Variants in CAAP1 observed in about 807,000 individuals in gnomAD.
The protein encoded by CAAP1 is conserved anti-apoptotic protein.
A neutral mutation model predicts 34.0 loss-of-function variants in CAAP1; 20 were observed. The ratio of observed to expected loss-of-function variants is 0.59; its 90% CI spans 0.41 to 0.86. CAAP1 has a LOEUF of 0.86. Among genes scored for constraint, CAAP1 ranks in the 40% least tolerant of loss-of-function variants. The pLI is 0.00. For missense variants in CAAP1, 538 were observed against 450.5 expected (o/e 1.19, Z -1.76); for synonymous variants, 213 against 166.7 (o/e 1.28, Z -2.14).
Position 26,887,421 on chromosome 9 carries a change from T to A in CAAP1, c.396A>T (p.Ser132=). ...LEEGGLDLTV[S]LKPVSFYISD... ...ATATATAGAAACTAACTGGTTTCAA[T>A]GACACAGTCAGGTCCAGTCCACCTT... Residue 132 remains serine (S), a synonymous_variant, in exon 2 of 6, where the codon TCA becomes TCT. Transcript: ENST00000333916. 1 of 1,613,706 alleles carries A rather than the reference T, an allele frequency of 6.2e-7. No individual in the cohort carries two copies. The highest frequency in any genetic ancestry group is 1.1e-5 in the South Asian group (1 of 90,944).
chr9:26,872,972 C>A (rs1823317644), intron 4 of CAAP1, among the ~76,000 whole-genome samples: 1 of 152,144 alleles, frequency 6.6e-6, no homozygotes, highest in Non-Finnish European at 1.5e-5. Flanking sequence ...CATATAGAAG[C>A]TACTTTGATT....
Position 26,860,230 on chromosome 9 carries a change from A to G in CAAP1, c.739+836T>C, listed in dbSNP as rs58066608. On this transcript the variant is annotated intron_variant, in intron 5 of 5. Transcript: ENST00000333916. ...TTTCAATTCTTCCTACTAAAGATAA[A>G]AAGAAGTAAAAAAGGCATTTAAAAG... Among the ~76,000 whole-genome samples the G allele has an allele frequency of 9.7e-3, 1,474 of 152,340 alleles. 18 individuals carry two copies. Among genetic ancestry groups the G allele is most frequent in the African/African-American group, 0.033 (1,386 of 41,572 alleles).
chr9:26,846,681 A>T (rs1421520030), intron 5 of CAAP1, among the ~76,000 whole-genome samples: 2 of 151,812 alleles, frequency 1.3e-5, no homozygotes, highest in African/African-American at 4.8e-5. Flanking sequence ...AAATGGGAAA[A>T]TTAATTTTTC....
chr9:26,864,585 T>C (rs1035935664), intron 4 of CAAP1, among the ~76,000 whole-genome samples: 2 of 152,198 alleles, frequency 1.3e-5, no homozygotes, highest in Non-Finnish European at 2.9e-5. Flanking sequence ...TAAGGCTTCA[T>C]TGTATATAAA....
Position 26,892,122 on chromosome 9 carries a change from C to A in CAAP1, c.303+291G>T, listed in dbSNP as rs181081159. On this transcript the variant is annotated intron_variant, in intron 1 of 5. Transcript: ENST00000333916. Reference sequence around the variant, plus strand: ...GGGAAATGAAGGCTAGCTTCCAACTCGTATTCTTCCGGCAGAGTGAAACCA... The same window carrying A: ...GGGAAATGAAGGCTAGCTTCCAACTAGTATTCTTCCGGCAGAGTGAAACCA... The A allele has an allele frequency of 3.7e-4, 242 of 651,540 alleles. 2 individuals carry two copies. The East Asian group carries it at 8.6e-3, about 23-fold the overall frequency. The allele number at this position is 651,540 out of a possible 1,614,324, so 40.4% of individuals were successfully genotyped here.
intron 5 of CAAP1, among the ~76,000 whole-genome samples, chr9:26,854,073 T>C (rs558413673): frequency 2.0e-5 from 3 of 152,288 alleles, no homozygotes; most frequent in South Asian, 2.1e-4. Context: ...TATGATTCAA[T>C]ATATAGAGAC....
At chr9:26,884,757 C>G in intron 4 of CAAP1, 53 bp downstream of exon 4, 1 of 1,204,610 alleles carries the variant, frequency 8.3e-7, no homozygotes, top group Non-Finnish European at 1.2e-6. Context: ...TAAGAAATCA[C>G]CAAAGGAATA....
At chr9:26,884,307 AT>A (rs987002965) in intron 4 of CAAP1, among the ~76,000 whole-genome samples, 1 of 151,998 alleles carries the variant, frequency 6.6e-6, no homozygotes, top group African/African-American at 2.4e-5. Flanking sequence ...AACTTCAGGT[AT>A]TTTTTTTATC....
intron 5 of CAAP1, among the ~76,000 whole-genome samples, chr9:26,844,728 C>T (rs1295693765): frequency 2.6e-5 from 4 of 152,268 alleles, no homozygotes; most frequent in Non-Finnish European, 1.5e-5. Context: ...ATGTCAGTAT[C>T]CATTGAGATT....
chr9:26,886,061 A>G, intron 3 of CAAP1, 43 bp downstream of exon 3: 1 of 975,564 alleles, frequency 1.0e-6, no homozygotes, highest in Non-Finnish European at 1.5e-6. Context: ...TGAATATAGT[A>G]TTAACTAAGA....
chr9:26,843,525 T>C (rs1379505028), intron 5 of CAAP1, among the ~76,000 whole-genome samples: 4 of 152,138 alleles, frequency 2.6e-5, no homozygotes, highest in Non-Finnish European at 4.4e-5. Flanking sequence ...TTAGGGTACA[T>C]GTGCACAATG....
rs1246131853 is a variant in CAAP1 at position 26,877,443 on chromosome 9, T to C, written c.665+7367A>G. 2.6e-5 allele frequency among the ~76,000 whole-genome samples: 4 copies of C among 151,084 alleles called. No homozygotes were observed. In the East Asian group the frequency reaches 7.7e-4, roughly 29 times the overall value. On this transcript the variant is annotated intron_variant, in intron 4 of 5. Transcript: ENST00000333916. The stretch of plus-strand genomic sequence containing the variant: ...TACATCTCTCAGTGCAATTCCTCAT[T>C]ATTAAGTGTCACATGACTGTATTTT...
chr9:26,844,408 C>A (rs1183115106), intron 5 of CAAP1, among the ~76,000 whole-genome samples: 2 of 151,986 alleles, frequency 1.3e-5, no homozygotes, highest in Non-Finnish European at 2.9e-5. Context: ...AAAAAATTAA[C>A]TTTAGTGTCT....
chr9:26,864,130 G>A (rs1823071647), intron 4 of CAAP1, among the ~76,000 whole-genome samples: 1 of 152,040 alleles, frequency 6.6e-6, no homozygotes, highest in Non-Finnish European at 1.5e-5. Flanking sequence ...TAATTTACAA[G>A]CTTGGCATTG....
intron 4 of CAAP1, among the ~76,000 whole-genome samples, chr9:26,879,710 C>T (rs1042518600): frequency 2.0e-5 from 3 of 152,196 alleles, no homozygotes; most frequent in Non-Finnish European, 4.4e-5. Flanking sequence ...GTCTTCCAGG[C>T]TTCATCTTTC....
chr9:26,892,324 G>A (rs1181080356), intron 1 of CAAP1, 89 bp downstream of exon 1: 2 of 1,553,916 alleles, frequency 1.3e-6, no homozygotes, highest in Admixed American at 3.8e-5. Flanking sequence ...CTAGCAGTGA[G>A]CTCCAGCCTG....
In CAAP1 at chr9:26,887,334, C is replaced by G. The variant is rs780366602; in HGVS notation, c.483G>C (p.Lys161Asn). 1 of 1,602,458 alleles carries G rather than the reference C, an allele frequency of 6.2e-7. No homozygotes were observed. Among genetic ancestry groups the G allele is most frequent in the African/African-American group, 1.3e-5 (1 of 74,680 alleles). ...GTACCTTTAACACATCAGGAAGCAT[C>G]TTCTGTAACTTTTTCTCTCCTATAA... ...FCIIGEKKLQ[K>N]MLPDVLKNCS... The change falls in exon 2 of 6, where the codon AAG (lysine) becomes AAC (asparagine). Residue 161 changes from lysine to asparagine, a missense_variant. This residue lies in a region of CAAP1 where 514 missense variants were observed against 408.4 expected (regional missense o/e 1.26). Coordinates refer to ENST00000333916, the MANE Select transcript of CAAP1 (RefSeq NM_024828.4).
At position 26,842,391 on chromosome 9, in the gene CAAP1, A is replaced by C. The variant is rs766241105; in HGVS notation, c.996T>G (p.Ser332=). 2.3e-5 allele frequency: 37 copies of C among 1,614,052 alleles called. No homozygotes were observed. Among genetic ancestry groups the C allele is most frequent in the Non-Finnish European group, 3.1e-5 (37 of 1,180,032 alleles). Residue 332 remains serine, a synonymous_variant, in exon 6 of 6, where the codon TCT becomes TCG. Transcript: ENST00000333916. ...GTTCTAGCAGCTCCAGTTGCTGTGCAGAAGGTTGAACATCTTCTGGTGGAG... is the reference window on the plus strand; with the variant it reads ...GTTCTAGCAGCTCCAGTTGCTGTGCCGAAGGTTGAACATCTTCTGGTGGAG... The part of the protein sequence containing the change: ...AVPPPEDVQP[S]AQQLELLELE...
Position 26,892,578 on chromosome 9 carries a change from G to C in CAAP1, c.138C>G (p.Ala46=), listed in dbSNP as rs769087657. Residue 46 remains alanine (A), a synonymous_variant, in exon 1 of 6, where the codon GCC becomes GCG. Transcript: ENST00000333916. ...SSGSTSGCGS[A]GGCGSVSCCG... Reference sequence around the variant, plus strand: ...AGCAGCTGACGCTCCCGCAGCCCCCGGCGCTCCCGCAGCCGCTAGTGCTTC... The same window carrying C: ...AGCAGCTGACGCTCCCGCAGCCCCCCGCGCTCCCGCAGCCGCTAGTGCTTC... The C allele has an allele frequency of 6.3e-6, 10 of 1,595,656 alleles. No individual in the cohort carries two copies. In the South Asian group the frequency reaches 1.0e-4, roughly 16 times the overall value.
Sources: allele counts gnomAD v4.1 joint callset (sites outside exome capture counted in the v4.1 genomes callset), GRCh38; gene constraint gnomAD v4.1.1; regional missense constraint gnomAD v4.1.1; transcripts MANE v1.5; gene names NCBI Gene and HGNC (gene_info 2026-07-23, HGNC 2026-07-21).